Variants in ARHGAP24 observed in about 807,000 individuals in gnomAD.
The protein encoded by ARHGAP24 is Rho GTPase activating protein 24, also known as rho GTPase-activating protein 24.
A neutral mutation model predicts 76.4 loss-of-function variants in ARHGAP24; 50 were observed. The ratio of observed to expected loss-of-function variants is 0.65; its 90% CI spans 0.52 to 0.83. The LOEUF (loss-of-function observed/expected upper bound fraction) is 0.83, where lower values mean the gene tolerates loss of function less well. Among genes scored for constraint, ARHGAP24 ranks in the 40% least tolerant of loss-of-function variants. The pLI, the probability that ARHGAP24 is intolerant of heterozygous loss-of-function variation, is 0.00. For missense variants in ARHGAP24, 930 were observed against 914.2 expected (o/e 1.02, Z -0.22); for synonymous variants, 345 against 323.3 (o/e 1.07, Z -0.72).
intron 3 of ARHGAP24, among the ~76,000 whole-genome samples, chr4:85,859,027 C>T (rs1411793570): frequency 6.6e-6 from 1 of 152,018 alleles, no homozygotes; most frequent in African/African-American, 2.4e-5. Context: ...CCATTATCTG[C>T]TTTTGGGTCT....
intron 2 of ARHGAP24, among the ~76,000 whole-genome samples, chr4:85,679,091 G>C (rs183964773): frequency 1.3e-3 from 203 of 152,294 alleles, no homozygotes; most frequent in African/African-American, 4.8e-3. Flanking sequence ...AGAAAGAATA[G>C]GGGAGCTTAG....
intron 1 of ARHGAP24, among the ~76,000 whole-genome samples, chr4:85,490,828 A>G (rs1408687844): frequency 6.6e-6 from 1 of 152,224 alleles, no homozygotes; most frequent in African/African-American, 2.4e-5. Context: ...TTGTATGACC[A>G]GACATTATAA....
intron 1 of ARHGAP24, among the ~76,000 whole-genome samples, chr4:85,507,063 G>T (rs1031376181): frequency 2.6e-5 from 4 of 152,160 alleles, no homozygotes; most frequent in Non-Finnish European, 5.9e-5. Flanking sequence ...ATTTTTAAAA[G>T]AAGCTATATA....
At chr4:85,640,455 G>T (rs1721481011) in intron 2 of ARHGAP24, among the ~76,000 whole-genome samples, 1 of 152,052 alleles carries the variant, frequency 6.6e-6, no homozygotes, top group Admixed American at 6.6e-5. Context: ...CTTTCCAATG[G>T]CAGTCATCAT....
chr4:85,931,295 C>T (rs879876325), intron 4 of ARHGAP24, among the ~76,000 whole-genome samples: 2 of 152,034 alleles, frequency 1.3e-5, no homozygotes, highest in Non-Finnish European at 2.9e-5. Context: ...ATCACCTTGA[C>T]TGACAGGGGA....
chr4:85,651,951 C>T (rs56266001), intron 2 of ARHGAP24, among the ~76,000 whole-genome samples: 59,916 of 151,762 alleles, frequency 0.39, 13,301 homozygotes, highest in East Asian at 0.84. Flanking sequence ...TTTTTGATAG[C>T]GAACAATTTA....
intron 3 of ARHGAP24, among the ~76,000 whole-genome samples, chr4:85,878,600 TTA>T (rs1011266445): frequency 6.6e-6 from 1 of 152,048 alleles, no homozygotes; most frequent in Non-Finnish European, 1.5e-5. Context: ...TGACATTAAA[TTA>T]TATATATATA....
In ARHGAP24 at chr4:85,868,102, C is replaced by T. The variant is rs1732309029; in HGVS notation, c.269-55546C>T. On this transcript the variant is annotated intron_variant, in intron 3 of 9. Coordinates refer to ENST00000395184, the MANE Select transcript of ARHGAP24 (RefSeq NM_001025616.3). ...GGAGACAAAATACATCAATCAATACCTGTGAGGTATACATTAGTTCCGCCT... is the reference window on the plus strand; with the variant it reads ...GGAGACAAAATACATCAATCAATACTTGTGAGGTATACATTAGTTCCGCCT... Among the ~76,000 whole-genome samples the T allele has an allele frequency of 2.0e-5, 3 of 151,874 alleles. No homozygotes were observed. In the South Asian group the frequency reaches 6.2e-4, roughly 32 times the overall value.
At chr4:85,888,761 C>A (rs1260461322) in intron 3 of ARHGAP24, among the ~76,000 whole-genome samples, 1 of 152,030 alleles carries the variant, frequency 6.6e-6, no homozygotes, top group Non-Finnish European at 1.5e-5. Flanking sequence ...TTGTCCTGAT[C>A]CTCTCCCTCC....
chr4:85,853,655 A>AG (rs766842236), intron 3 of ARHGAP24, among the ~76,000 whole-genome samples: 11 of 152,174 alleles, frequency 7.2e-5, no homozygotes, highest in Admixed American at 2.6e-4. Flanking sequence ...GGCCGAGCAC[A>AG]GTGGCTCACA....
At chr4:85,694,334 G>C (rs1166112951) in intron 2 of ARHGAP24, among the ~76,000 whole-genome samples, 1 of 151,926 alleles carries the variant, frequency 6.6e-6, no homozygotes, top group African/African-American at 2.4e-5. Context: ...GCTAGGTGGT[G>C]CCGGAAGAAC....
At chr4:85,995,743 G>A (rs1021003182) in intron 9 of ARHGAP24, 86 bp downstream of exon 9, 6 of 1,325,270 alleles carry the variant, frequency 4.5e-6, no homozygotes, top group Non-Finnish European at 6.4e-6. Flanking sequence ...GGTGACATAT[G>A]CTGGCTCCAA....
intron 3 of ARHGAP24, among the ~76,000 whole-genome samples, chr4:85,812,177 AAAAT>A (rs1182235629): frequency 1.3e-5 from 2 of 152,118 alleles, no homozygotes; most frequent in African/African-American, 2.4e-5. Context: ...CTCCATCTCA[AAAAT>A]AAATAAATAA....
At chr4:85,666,514 C>G (rs1722624793) in intron 2 of ARHGAP24, among the ~76,000 whole-genome samples, 1 of 152,190 alleles carries the variant, frequency 6.6e-6, no homozygotes, top group Admixed American at 6.5e-5. Flanking sequence ...CATTCTCCGT[C>G]CAGCTTTATT....
intron 3 of ARHGAP24, among the ~76,000 whole-genome samples, chr4:85,739,369 A>G (rs1410539376): frequency 6.6e-6 from 1 of 152,080 alleles, no homozygotes. Flanking sequence ...TTGACATCCA[A>G]TCATCAACCA....
intron 3 of ARHGAP24, among the ~76,000 whole-genome samples, chr4:85,881,882 G>A (rs560646330): frequency 5.1e-4 from 78 of 152,196 alleles, no homozygotes; most frequent in Non-Finnish European, 2.8e-4. Context: ...AAAATAAATC[G>A]GATATTATTT....
intron 3 of ARHGAP24, among the ~76,000 whole-genome samples, chr4:85,820,505 G>C (rs1368161128): frequency 6.6e-6 from 1 of 152,006 alleles, no homozygotes; most frequent in Non-Finnish European, 1.5e-5. Context: ...GAGGGAGCAG[G>C]GTAAGGATCT....
intron 3 of ARHGAP24, among the ~76,000 whole-genome samples, chr4:85,819,398 G>C (rs1160969590): frequency 6.6e-6 from 1 of 151,888 alleles, no homozygotes; most frequent in Non-Finnish European, 1.5e-5. Flanking sequence ...ATTTACCCAA[G>C]GTTGCTCAGT....
chr4:85,864,476 A>C (rs1173105681), intron 3 of ARHGAP24, among the ~76,000 whole-genome samples: 3 of 152,078 alleles, frequency 2.0e-5, no homozygotes, highest in Non-Finnish European at 4.4e-5. Flanking sequence ...TTTGGTACAG[A>C]TTTATCTTGA....
Sources: allele counts gnomAD v4.1 joint callset (sites outside exome capture counted in the v4.1 genomes callset), GRCh38; gene constraint gnomAD v4.1.1; transcripts MANE v1.5; gene names NCBI Gene and HGNC (gene_info 2026-07-23, HGNC 2026-07-21).